Variants in C2CD2 observed in about 807,000 individuals in gnomAD.
C2CD2 encodes C2 domain-containing protein 2.
In C2CD2, 43 loss-of-function variants were observed where a neutral mutation model predicts 74.3. The ratio of observed to expected loss-of-function variants is 0.58; its 90% confidence interval spans 0.45 to 0.75. C2CD2 has a LOEUF of 0.75. C2CD2 is among the 30% of genes least tolerant of loss of function. C2CD2 has a pLI of 0.00. For synonymous variants in C2CD2, 422 were observed against 390.7 expected, an observed-to-expected ratio of 1.08 and a Z score of -0.94; for missense variants, 801 against 916.3, an observed-to-expected ratio of 0.87 and a Z score of 1.63.
Position 41,953,980 on chromosome 21 carries a change from C to A in C2CD2, c.-332G>T, listed in dbSNP as rs1433746720. On this transcript the variant is annotated 5_prime_UTR_variant, in exon 1 of 14. Coordinates refer to ENST00000380486, the MANE Select transcript of C2CD2 (RefSeq NM_015500.2). Reference sequence around the variant, plus strand: ...TTCCTCCTGCGCGCGCCGCCCCGGGCGTCCCGCCCGCGGCCCAGCGGTGGC... The same window carrying A: ...TTCCTCCTGCGCGCGCCGCCCCGGGAGTCCCGCCCGCGGCCCAGCGGTGGC... 1 of 147,618 alleles carries A rather than the reference C, an allele frequency of 6.8e-6. No individual in the cohort carries two copies. Among genetic ancestry groups the A allele is most frequent in the East Asian group, 1.9e-4 (1 of 5,146 alleles). 9.1% of individuals were successfully genotyped at this position (147,618 alleles called of 1,614,324 possible).
In C2CD2 at chr21:41,929,102, TAA is replaced by T. The variant is rs398061772; in HGVS notation, c.379-7019_379-7018del. Among the ~76,000 whole-genome samples, 9 of 138,606 alleles carry T rather than the reference TAA, an allele frequency of 6.5e-5. No homozygotes were observed. The highest frequency in any genetic ancestry group is 1.4e-4 in the Admixed American group (2 of 13,842). 90.9% of individuals were successfully genotyped at this position (138,606 alleles called of 152,430 possible). On this transcript the variant is annotated intron_variant, in intron 2 of 13. Transcript: ENST00000380486. This position sits in a 1 kb window ranked among gnomAD's most constrained non-coding sequence, Gnocchi z 4.6. ...CCACCTCTAAAAAATATTTAAAAAG[TAA>T]AAAAAAAAAAAAGTAATAAAAATGC...
At position 41,897,533 on chromosome 21, in the gene C2CD2, C is replaced by T. The variant is rs138706711; in HGVS notation, c.1870+1520G>A. ...ACAGAGGTCAGCGTGCAGCTTACAGCCCTCAAGTGCTCTGTGGAGGGGGGT... is the reference window on the plus strand; with the variant it reads ...ACAGAGGTCAGCGTGCAGCTTACAGTCCTCAAGTGCTCTGTGGAGGGGGGT... On this transcript the variant is annotated intron_variant, in intron 13 of 13. Coordinates refer to ENST00000380486, the MANE Select transcript of C2CD2 (RefSeq NM_015500.2). Among the ~76,000 whole-genome samples, 324 of 152,314 alleles carry T rather than the reference C, an allele frequency of 2.1e-3. 3 individuals are homozygous for T. In the Middle Eastern group the frequency reaches 0.041, roughly 19 times the overall value.
At position 41,923,454 on chromosome 21, in the gene C2CD2, GT is replaced by G; in HGVS notation, c.379-1370del. Among the ~76,000 whole-genome samples the G allele has an allele frequency of 6.6e-6, 1 of 152,250 alleles. No individual in the cohort carries two copies. Among genetic ancestry groups the G allele is most frequent in the East Asian group, 1.9e-4 (1 of 5,180 alleles). On this transcript the variant is annotated intron_variant, in intron 2 of 13. Coordinates refer to ENST00000380486, the MANE Select transcript of C2CD2 (RefSeq NM_015500.2). The surrounding 1 kb of genome is among the most constrained non-coding windows in gnomAD (Gnocchi z 5.8). ...AGAAAGTAAGTTATAGATGTTAGAA[GT>G]AAAAAAAGTTTTCTTAAATTACCCA...
rs997516496 is a variant in C2CD2, at chr21:41,887,145, C to T, written c.*1979G>A. 3.3e-5 allele frequency: 5 copies of T among 152,274 alleles called. 1 individual carries two copies. The highest frequency in any genetic ancestry group is 3.3e-4 in the Admixed American group (5 of 15,298). 9.4% of individuals were successfully genotyped at this position (152,274 alleles called of 1,614,324 possible). The stretch of plus-strand genomic sequence containing the variant: ...TTAAATATGTCTCAGCCTCTTTTTA[C>T]CACATGGCAAAGAGCAGTAAAACTT... On this transcript the variant is annotated 3_prime_UTR_variant, in exon 14 of 14. Coordinates refer to ENST00000380486, the MANE Select transcript of C2CD2 (RefSeq NM_015500.2).
At position 41,936,389 on chromosome 21, in the gene C2CD2, G is replaced by C. The variant is rs1223043368; in HGVS notation, c.378+5758C>G. Among the ~76,000 whole-genome samples the C allele has an allele frequency of 2.0e-5, 3 of 152,202 alleles. No individual in the cohort carries two copies. The East Asian group carries it at 5.8e-4, about 29-fold the overall frequency. ...GAAATGCAAATCAAAGCCACAAGGA[G>C]ATATCACGTCAAACCTGTGAGAATG... On this transcript the variant is annotated intron_variant, in intron 2 of 13. Transcript: ENST00000380486.
rs769983047 is a variant in C2CD2, at chr21:41,925,733, C to T, written c.379-3648G>A. Among the ~76,000 whole-genome samples, 44 of 152,216 alleles carry T rather than the reference C, an allele frequency of 2.9e-4. 1 individual carries two copies. The highest frequency in any genetic ancestry group is 6.2e-4 in the South Asian group (3 of 4,828). ...CATGCCAACAGTGGCAGGGCCCCCA[C>T]GGGCTGAAAGGGGTTCCTCGCATCA... On this transcript the variant is annotated intron_variant, in intron 2 of 13. Coordinates refer to ENST00000380486, the MANE Select transcript of C2CD2 (RefSeq NM_015500.2).
In C2CD2 at chr21:41,890,680, A is replaced by G. The variant is rs570648271; in HGVS notation, c.1871-1336T>C. Among the ~76,000 whole-genome samples the G allele has an allele frequency of 2.6e-5, 4 of 152,350 alleles. No individual in the cohort carries two copies. In the East Asian group the frequency reaches 7.7e-4, roughly 29 times the overall value. ...GATAGGCATATCCAATAAACATTTC[A>G]ATAGCCACGACATATGCAAATCGCC... On this transcript the variant is annotated intron_variant, in intron 13 of 13. Coordinates refer to ENST00000380486, the MANE Select transcript of C2CD2 (RefSeq NM_015500.2).
At position 41,932,692 on chromosome 21, in the gene C2CD2, G is replaced by A. The variant is rs974863387; in HGVS notation, c.378+9455C>T. Among the ~76,000 whole-genome samples the A allele has an allele frequency of 3.3e-5, 5 of 150,774 alleles. 1 individual carries two copies. Among genetic ancestry groups the A allele is most frequent in the East Asian group, 1.9e-4 (1 of 5,136 alleles). Reference sequence around the variant, plus strand: ...AACATAGTTGAGACTGCTCCTGGCCGCAGCCGCGGCTGGGCCGGGTGTGGA... The same window carrying A: ...AACATAGTTGAGACTGCTCCTGGCCACAGCCGCGGCTGGGCCGGGTGTGGA... On this transcript the variant is annotated intron_variant, in intron 2 of 13. Transcript: ENST00000380486.
chr21:41,953,691 C>G lies in C2CD2; in HGVS notation c.-43G>C. The G allele has an allele frequency of 7.4e-7, 1 of 1,355,044 alleles. No homozygotes were observed. Among genetic ancestry groups the G allele is most frequent in the East Asian group, 3.1e-5 (1 of 31,920 alleles). The allele number at this position is 1,355,044 out of a possible 1,614,324, so 83.9% of individuals were successfully genotyped here. A position where few individuals can be genotyped will look rare whatever the true frequency, so the allele number is the denominator to read the frequency against. ...CCTCGCCCCAACTTCCCCGGCAGCC[C>G]CGGGCCGGAACGGCGGACTCAGGAC... On this transcript the variant is annotated 5_prime_UTR_variant, in exon 1 of 14. Coordinates refer to ENST00000380486, the MANE Select transcript of C2CD2 (RefSeq NM_015500.2).
Position 41,886,535 on chromosome 21 carries a change from AC to A in C2CD2, c.*2588del, listed in dbSNP as rs2064686098. Reference sequence around the variant, plus strand: ...CCCTCCCATGTTGGTGTTTTCTGTAACTTCAGAAAAGGCCATTGGATGGAGA... The same window carrying A: ...CCCTCCCATGTTGGTGTTTTCTGTAATTCAGAAAAGGCCATTGGATGGAGA... On this transcript the variant is annotated 3_prime_UTR_variant, in exon 14 of 14. Transcript: ENST00000380486. The A allele has an allele frequency of 6.6e-6, 1 of 152,218 alleles. No homozygotes were observed. The highest frequency in any genetic ancestry group is 2.1e-4 in the South Asian group (1 of 4,826). 9.4% of individuals were successfully genotyped at this position (152,218 alleles called of 1,614,324 possible).
At chr21:41,937,454 T>C (rs1253709086) in intron 2 of C2CD2, among the ~76,000 whole-genome samples, 2 of 152,190 alleles carry the variant, frequency 1.3e-5, no homozygotes, top group African/African-American at 4.8e-5. Context: ...ATAGAGTATA[T>C]AATACAGATA....
At position 41,899,435 on chromosome 21, in the gene C2CD2, A is replaced by T. The variant is rs2064866251; in HGVS notation, c.1561-73T>A. ...GAGGGTTTGAAAAGAACTGAAAAGC[A>T]CTCTCCAAAACATTCTGACAGCTGA... On this transcript the variant is annotated intron_variant, in intron 12 of 13. Transcript: ENST00000380486. This position sits in a 1 kb window ranked among gnomAD's most constrained non-coding sequence, Gnocchi z 4.4. 1.5e-6 allele frequency: 2 copies of T among 1,332,932 alleles called. No individual in the cohort carries two copies. The highest frequency in any genetic ancestry group is 1.4e-5 in the African/African-American group (1 of 69,212). The allele number at this position is 1,332,932 out of a possible 1,614,324, so 82.6% of individuals were successfully genotyped here. A position where few individuals can be genotyped will look rare whatever the true frequency, so the allele number is the denominator to read the frequency against.
At chr21:41,909,551 C>T (rs1174523661) in intron 7 of C2CD2, 28 bp from the exon 8 acceptor site, 2 of 1,471,674 alleles carry the variant, frequency 1.4e-6, no homozygotes, top group African/African-American at 2.8e-5. Context: ...GTTATGAGTC[C>T]TAAAAAATGC....
At chr21:41,909,940 G>A (rs1327293902) in intron 7 of C2CD2, among the ~76,000 whole-genome samples, 7 of 151,360 alleles carry the variant, frequency 4.6e-5, no homozygotes, top group African/African-American at 1.5e-4. Context: ...GACAAAATAC[G>A]GAACATGATA....
intron 13 of C2CD2, among the ~76,000 whole-genome samples, chr21:41,898,483 G>A (rs150894068): frequency 1.3e-5 from 2 of 152,326 alleles, no homozygotes; most frequent in African/African-American, 2.4e-5. Context: ...TTTAAAGCAC[G>A]GACTTAGGGC....
rs1394874159 is a variant in C2CD2, at chr21:41,887,889, A to G, written c.*1235T>C. Reference sequence around the variant, plus strand: ...TGACTGCTCTTTGACCAGCATGTCTACTGGAAGTGGCACATTCAGAAGTGA... The same window carrying G: ...TGACTGCTCTTTGACCAGCATGTCTGCTGGAAGTGGCACATTCAGAAGTGA... On this transcript the variant is annotated 3_prime_UTR_variant, in exon 14 of 14. Transcript: ENST00000380486. The G allele has an allele frequency of 6.6e-6, 1 of 152,254 alleles. No individual in the cohort carries two copies. The highest frequency in any genetic ancestry group is 1.5e-5 in the Non-Finnish European group (1 of 68,036). The allele number at this position is 152,254 out of a possible 1,614,324, so 9.4% of individuals were successfully genotyped here.
At chr21:41,919,045 T>A (rs2277796) in intron 3 of C2CD2, 85 bp from the exon 4 acceptor site, 2 of 933,072 alleles carry the variant, frequency 2.1e-6, no homozygotes, top group Admixed American at 1.8e-5. Context: ...TGTGTGAGCA[T>A]GTGTGTGTGC....
At chr21:41,907,533 A>T in intron 9 of C2CD2, 127 bp downstream of exon 9, 1 of 1,008,860 alleles carries the variant, frequency 9.9e-7, no homozygotes, top group East Asian at 2.6e-5. Context: ...ATGAAACAGC[A>T]TCTCCTCTTG....
At chr21:41,905,474 C>T (rs774462948) in intron 11 of C2CD2, among the ~76,000 whole-genome samples, 6 of 152,132 alleles carry the variant, frequency 3.9e-5, no homozygotes, top group East Asian at 1.9e-4. Context: ...TGCGCCACCA[C>T]GCCCAGCTAA....
Sources: gnomAD v4.1 joint callset for allele counts (sites outside exome capture counted in the v4.1 genomes callset) on GRCh38, gnomAD v4.1.1 for gene constraint, Gnocchi (gnomAD v3.1) non-coding constraint, MANE v1.5 for transcripts, NCBI Gene and HGNC (gene_info 2026-07-23, HGNC 2026-07-21) for gene names.